The following SEPHS1 variants were observed in gnomAD, a reference collection of about 807,000 sequenced individuals.
SEPHS1 encodes the protein zincore component SEPHS1.
Under a neutral mutation model 39.2 loss-of-function variants are expected in SEPHS1, and 7 were observed. The ratio of observed to expected loss-of-function variants is 0.18; its 90% confidence interval spans 0.10 to 0.34. The LOEUF is 0.34. Among genes scored for constraint, SEPHS1 ranks in the 10% least tolerant of loss-of-function variants. SEPHS1 has a pLI of 1.00. For missense variants in SEPHS1, 253 were observed against 514.5 expected, an observed-to-expected ratio of 0.49 and a Z score of 4.92; for synonymous variants, 190 against 195.5, an observed-to-expected ratio of 0.97 and a Z score of 0.23.
chr10:13,339,819 G>C (rs1383192837), intron 2 of SEPHS1, among the ~76,000 whole-genome samples: 1 of 152,084 alleles, frequency 6.6e-6, no homozygotes, highest in Non-Finnish European at 1.5e-5. Flanking sequence ...TACTGTTTAG[G>C]GAATAATGAC....
At position 13,329,800 on chromosome 10, in the gene SEPHS1, A is replaced by C; in HGVS notation, c.561-12T>G. ...CTGCATTGTCTGGCCTGAAGAAAAGAAAAGGGCATGTTCTAGTCAAACTAA... is the reference window on the plus strand; with the variant it reads ...CTGCATTGTCTGGCCTGAAGAAAAGCAAAGGGCATGTTCTAGTCAAACTAA... On this transcript the variant is annotated splice_polypyrimidine_tract_variant and intron_variant, in intron 5 of 8. Coordinates refer to ENST00000327347, the MANE Select transcript of SEPHS1 (RefSeq NM_012247.5). 1 of 1,599,280 alleles carries C rather than the reference A, an allele frequency of 6.3e-7. No homozygotes were observed.
intron 5 of SEPHS1, among the ~76,000 whole-genome samples, chr10:13,330,145 T>C (rs1833422048): frequency 6.6e-6 from 1 of 152,120 alleles, no homozygotes; most frequent in Admixed American, 6.5e-5. Flanking sequence ...AATGAAACAT[T>C]TAGCCTTCAA....
intron 8 of SEPHS1, 102 bp downstream of exon 8, chr10:13,322,733 T>C (rs1170202862): frequency 2.7e-6 from 3 of 1,093,038 alleles, no homozygotes; most frequent in East Asian, 2.6e-5. Flanking sequence ...AGCATGGAAC[T>C]CGAACAGAGT....
At chr10:13,331,974 G>C (rs1833485210) in intron 5 of SEPHS1, among the ~76,000 whole-genome samples, 1 of 152,226 alleles carries the variant, frequency 6.6e-6, no homozygotes, top group South Asian at 2.1e-4. Context: ...AGCCATGTTG[G>C]AGACCAGTCT....
intron 5 of SEPHS1, 140 bp downstream of exon 5, chr10:13,333,677 G>A (rs896709924): frequency 9.0e-6 from 7 of 776,330 alleles, no homozygotes; most frequent in Non-Finnish European, 1.2e-5. Context: ...CTGACCTCAG[G>A]TGATCTGCCC....
rs753237754 is a variant in SEPHS1 at position 13,344,906 on chromosome 10, G to A, written c.45C>T (p.Asp15=). ...ESFNPESYEL[D]KSFRLTRFTE... ...TGAATCTGGTTAGCCGGAAGCTTTT[G>A]TCCAATTCGTAACTTTCCGGGTTAA... is the stretch of plus-strand genomic sequence containing the variant. The change falls in exon 2 of 9, where the codon GAC becomes GAT. Residue 15 remains aspartate, a synonymous_variant. Coordinates refer to ENST00000327347, the MANE Select transcript of SEPHS1 (RefSeq NM_012247.5). 3.8e-5 allele frequency: 60 copies of A among 1,598,232 alleles called. No homozygotes were observed. The highest frequency in any genetic ancestry group is 4.9e-5 in the Non-Finnish European group (57 of 1,171,664).
At position 13,318,413 on chromosome 10, in the gene SEPHS1, C is replaced by T. The variant is rs1833005112; in HGVS notation, c.*729G>A. ...ATTCGGAAGGCAATTCCTTGTAGCA[C>T]TATAGAACATCTAATAACATTGCAA... On this transcript the variant is annotated 3_prime_UTR_variant, in exon 9 of 9. Coordinates refer to ENST00000327347, the MANE Select transcript of SEPHS1 (RefSeq NM_012247.5). 6.6e-6 allele frequency: 1 copy of T among 152,550 alleles called. No homozygotes were observed. The highest frequency in any genetic ancestry group is 1.5e-5 in the Non-Finnish European group (1 of 68,038). The allele number at this position is 152,550 out of a possible 1,614,324, so 9.4% of individuals were successfully genotyped here.
intron 4 of SEPHS1, among the ~76,000 whole-genome samples, chr10:13,335,744 C>T (rs1239268830): frequency 6.6e-6 from 1 of 151,798 alleles, no homozygotes; most frequent in Non-Finnish European, 1.5e-5. Flanking sequence ...CTTTGGGATG[C>T]CGAGATAGGT....
intron 7 of SEPHS1, 61 bp downstream of exon 7, chr10:13,328,290 A>G: frequency 8.6e-7 from 1 of 1,164,668 alleles, no homozygotes; most frequent in Non-Finnish European, 1.3e-6. Context: ...TGGCCAGAAA[A>G]GCCTAAGACA....
intron 4 of SEPHS1, 40 bp from the exon 5 acceptor site, chr10:13,334,011 C>G (rs1166685232): frequency 3.2e-6 from 5 of 1,545,172 alleles, no homozygotes; most frequent in African/African-American, 2.8e-5. Context: ...TCAAAGAATT[C>G]TGTTCAAAAC....
intron 7 of SEPHS1, among the ~76,000 whole-genome samples, chr10:13,323,765 A>G (rs1337318732): frequency 2.7e-5 from 4 of 150,516 alleles, no homozygotes; most frequent in Non-Finnish European, 5.9e-5. Flanking sequence ...TTTAAGAGAC[A>G]GAGTCTTGCT....
chr10:13,327,219 C>T (rs866800554), intron 7 of SEPHS1, among the ~76,000 whole-genome samples: 8 of 117,218 alleles, frequency 6.8e-5, no homozygotes, highest in Admixed American at 1.1e-4. Context: ...CCAGCCTGGG[C>T]GACAGAGTTA....
At chr10:13,319,496 A>C (rs1410929976) in intron 8 of SEPHS1, 140 bp from the exon 9 acceptor site, 10 of 863,338 alleles carry the variant, frequency 1.2e-5, no homozygotes, top group African/African-American at 1.7e-5. Context: ...TCAACTAAGC[A>C]GCTTTTTTTT....
chr10:13,347,518 G>A (rs1288078212), intron 1 of SEPHS1, among the ~76,000 whole-genome samples: 1 of 146,454 alleles, frequency 6.8e-6, no homozygotes, highest in East Asian at 2.0e-4. Flanking sequence ...GGAGCCGGCG[G>A]GCACCGCGCG....
intron 1 of SEPHS1, among the ~76,000 whole-genome samples, chr10:13,345,978 T>G (rs1402726848): frequency 6.6e-6 from 1 of 152,282 alleles, no homozygotes; most frequent in Non-Finnish European, 1.5e-5. Context: ...CAGTAAGGTC[T>G]GTGTTCTTCA....
chr10:13,322,728 G>C, intron 8 of SEPHS1, 107 bp downstream of exon 8: 1 of 1,032,876 alleles, frequency 9.7e-7, no homozygotes, highest in South Asian at 1.5e-5. Context: ...TCAGCAGCAT[G>C]GAACTCGAAC....
chr10:13,339,030 C>T (rs1372835570), intron 2 of SEPHS1, among the ~76,000 whole-genome samples: 1 of 152,206 alleles, frequency 6.6e-6, no homozygotes, highest in Non-Finnish European at 1.5e-5. Context: ...CATCAAGACT[C>T]AACTCCAATA....
At chr10:13,339,532 T>C (rs1049898937) in intron 2 of SEPHS1, among the ~76,000 whole-genome samples, 13 of 151,964 alleles carry the variant, frequency 8.6e-5, no homozygotes, top group Admixed American at 4.6e-4. Flanking sequence ...CAGACTAGCA[T>C]TCCCACCAAG....
chr10:13,337,101 A>C (rs977599352), intron 3 of SEPHS1, among the ~76,000 whole-genome samples: 1 of 152,174 alleles, frequency 6.6e-6, no homozygotes, highest in African/African-American at 2.4e-5. Flanking sequence ...CAGTAAGCTG[A>C]GATCGTGCCA....
Sources: allele counts gnomAD v4.1 joint callset (sites outside exome capture counted in the v4.1 genomes callset), GRCh38; gene constraint gnomAD v4.1.1; transcripts MANE v1.5; gene names NCBI Gene and HGNC (gene_info 2026-07-23, HGNC 2026-07-21).